The following DUS4L variants were observed in gnomAD, a reference collection of about 807,000 sequenced individuals.
The protein encoded by DUS4L is tRNA-dihydrouridine(20a/20b) synthase [NAD(P)+]-like.
In DUS4L, 31 loss-of-function variants were observed where a neutral mutation model predicts 33.8. That is an observed-to-expected ratio of 0.92 (90% CI 0.69 to 1.24). DUS4L has a LOEUF of 1.24. DUS4L is among the 50% of genes most tolerant of loss of function. DUS4L has a pLI of 0.00. For missense variants in DUS4L, 368 were observed against 388.6 expected (o/e 0.95, Z 0.45); for synonymous variants, 103 against 120.3 (o/e 0.86, Z 0.94).
At chr7:107,575,359 A>C in intron 6 of DUS4L, 49 bp downstream of exon 6, 5 of 1,583,848 alleles carry the variant, frequency 3.2e-6, no homozygotes, top group Non-Finnish European at 4.3e-6. Flanking sequence ...TTACTTAGGA[A>C]ATGAAAGATT....
At chr7:107,573,033 G>T (rs949211734) in intron 4 of DUS4L, among the ~76,000 whole-genome samples, 1 of 151,870 alleles carries the variant, frequency 6.6e-6, no homozygotes, top group Non-Finnish European at 1.5e-5. Context: ...TATGAAGAGA[G>T]CTCACAAATT....
intron 2 of DUS4L, among the ~76,000 whole-genome samples, chr7:107,566,734 A>G (rs1804741015): frequency 6.6e-6 from 1 of 152,158 alleles, no homozygotes; most frequent in Non-Finnish European, 1.5e-5. Flanking sequence ...CAATCCCAAC[A>G]AAGTAACATG....
At position 107,576,484 on chromosome 7, in the gene DUS4L, G is replaced by A. The variant is rs750582791; in HGVS notation, c.598G>A (p.Asp200Asn). Residue 200 changes from aspartate to asparagine, a missense_variant, in exon 7 of 8, where the codon GAT becomes AAT. Physicochemically the swap from Asp to Asn is conservative, Grantham distance 23 (BLOSUM62 1). Coordinates refer to ENST00000265720, the MANE Select transcript of DUS4L (RefSeq NM_181581.3). ...AEERHQPVHY[D>N]SIKIIKENMS... ...AGAAAGACATCAGCCAGTGCACTATGATTCCATTAAAATAATTAAGGAAAA... is the reference window on the plus strand; with the variant it reads ...AGAAAGACATCAGCCAGTGCACTATAATTCCATTAAAATAATTAAGGAAAA... 1 of 1,611,348 alleles carries A rather than the reference G, an allele frequency of 6.2e-7. No homozygotes were observed. The highest frequency in any genetic ancestry group is 8.5e-7 in the Non-Finnish European group (1 of 1,179,274).
At position 107,577,571 on chromosome 7, in the gene DUS4L, C is replaced by A. The variant is rs1158781943; in HGVS notation, c.*11C>A. 4.4e-6 allele frequency: 7 copies of A among 1,607,934 alleles called. No individual in the cohort carries two copies. The highest frequency in any genetic ancestry group is 5.1e-6 in the Non-Finnish European group (6 of 1,176,796). ...CATTATGGCATTTGACTAGACTTCC[C>A]AAATAATTTTAATATATACTTTTAG... On this transcript the variant is annotated 3_prime_UTR_variant, in exon 8 of 8. Transcript: ENST00000265720.
intron 6 of DUS4L, 182 bp downstream of exon 6, chr7:107,575,492 T>A: frequency 7.0e-6 from 4 of 570,278 alleles, no homozygotes; most frequent in African/African-American, 2.0e-5. Context: ...TTTATAGTCC[T>A]GAAAAACTTC....
intron 2 of DUS4L, among the ~76,000 whole-genome samples, chr7:107,566,569 AATT>A (rs1410960102): frequency 6.6e-6 from 1 of 152,206 alleles, no homozygotes; most frequent in African/African-American, 2.4e-5. Context: ...AGGATTCAAG[AATT>A]ACAATAAAAG....
rs115116464 is a variant in DUS4L, at chr7:107,567,947, G to T, written c.116+761G>T. ...TTTTATGCAGCATAACATCCTCAAG[G>T]TTCATTCATGTTGTAGCATATATCA... On this transcript the variant is annotated intron_variant, in intron 3 of 7. Coordinates refer to ENST00000265720, the MANE Select transcript of DUS4L (RefSeq NM_181581.3). 4.0e-3 allele frequency: 876 copies of T among 219,492 alleles called. 3 individuals are homozygous for T. The highest frequency in any genetic ancestry group is 0.02 in the African/African-American group (844 of 42,520). 13.6% of individuals were successfully genotyped at this position (219,492 alleles called of 1,614,324 possible).
chr7:107,577,142 A>T, intron 7 of DUS4L, 171 bp from the exon 8 acceptor site: 1 of 903,654 alleles, frequency 1.1e-6, no homozygotes, highest in Non-Finnish European at 1.6e-6. Flanking sequence ...GGTTTACAAA[A>T]GGTACCAAAA....
intron 7 of DUS4L, chr7:107,577,093 A>G: frequency 3.6e-6 from 2 of 553,390 alleles, no homozygotes; most frequent in Non-Finnish European, 5.9e-6. Flanking sequence ...AGAAATCTTT[A>G]AAAAATAAAG....
At chr7:107,564,893 C>A (rs1804461324) in intron 2 of DUS4L, among the ~76,000 whole-genome samples, 2 of 152,154 alleles carry the variant, frequency 1.3e-5, no homozygotes, top group African/African-American at 2.4e-5. Flanking sequence ...TCCAGAGCTA[C>A]GTGGTTTTCT....
chr7:107,575,206 T>C lies in DUS4L; in HGVS notation c.375T>C (p.Gly125=). The stretch of plus-strand genomic sequence containing the variant: ...TACAAAGGTGGGCAATGGCAGAAGG[T>C]TATGGGGCTTGCTTAATAAACAAGC... ...GCPQRWAMAE[G]YGACLINKPE... is the part of the protein sequence containing the mutation. The change falls in exon 6 of 8, where the codon GGT becomes GGC. Residue 125 remains glycine (G), a synonymous_variant. Coordinates refer to ENST00000265720, the MANE Select transcript of DUS4L (RefSeq NM_181581.3). The C allele has an allele frequency of 6.2e-7, 1 of 1,609,452 alleles. No homozygotes were observed. Among genetic ancestry groups the C allele is most frequent in the South Asian group, 1.1e-5 (1 of 89,878 alleles).
chr7:107,571,244 C>G lies in DUS4L; in HGVS notation c.216C>G (p.Asp72Glu). Residue 72 changes from aspartate (D) to glutamate (E), a missense_variant, in exon 4 of 8, where the codon GAC becomes GAG. Asp to Glu is a conservative substitution (Grantham distance 45). Transcript: ENST00000265720. Reference protein sequence around the residue: ...ADFVKSIKARDSEFTTNQGDC... With the variant: ...ADFVKSIKARESEFTTNQGDC... ...TTGTCAAATCTATAAAAGCCAGAGA[C>G]AGCGAATTTACCACAAATCAAGGTA... The G allele has an allele frequency of 6.2e-7, 1 of 1,610,252 alleles. No individual in the cohort carries two copies.
At chr7:107,574,003 C>G in intron 5 of DUS4L, 182 bp downstream of exon 5, 1 of 916,744 alleles carries the variant, frequency 1.1e-6, no homozygotes, top group South Asian at 3.6e-5. Context: ...ATTCAAAGGT[C>G]TTTTCTGATG....
intron 7 of DUS4L, chr7:107,576,950 C>G (rs1805810551): frequency 3.5e-6 from 1 of 283,696 alleles, no homozygotes; most frequent in Admixed American, 4.8e-5. Context: ...TTTCATTATT[C>G]CCTTAAATTA....
chr7:107,567,257 TG>T, intron 3 of DUS4L, 71 bp downstream of exon 3: 1 of 1,313,512 alleles, frequency 7.6e-7, no homozygotes, highest in African/African-American at 1.5e-5. Context: ...TTAAAAGTAC[TG>T]TAAGACCACC....
At chr7:107,565,158 A>G (rs1260363560) in intron 2 of DUS4L, among the ~76,000 whole-genome samples, 2 of 152,150 alleles carry the variant, frequency 1.3e-5, no homozygotes, top group African/African-American at 4.8e-5. Flanking sequence ...CCCCCAGTGG[A>G]AGATTTTAGA....
Position 107,571,140 on chromosome 7 carries a change from C to T in DUS4L, c.117-5C>T, listed in dbSNP as rs1280993622. On this transcript the variant is annotated splice_polypyrimidine_tract_variant and splice_region_variant and intron_variant, in intron 3 of 7. Transcript: ENST00000265720. ...ATGCATAATTAAGGTTTTATATGCT[C>T]ACAGGTTGGCTTTTAGGACACTAGT... 6.2e-7 allele frequency: 1 copy of T among 1,613,234 alleles called. No individual in the cohort carries two copies. The highest frequency in any genetic ancestry group is 8.5e-7 in the Non-Finnish European group (1 of 1,179,818).
chr7:107,569,808 G>A (rs574264996), intron 3 of DUS4L, among the ~76,000 whole-genome samples: 2 of 152,230 alleles, frequency 1.3e-5, no homozygotes, highest in Non-Finnish European at 2.9e-5. Flanking sequence ...TAGTTTTTTT[G>A]TAAATTCCTT....
intron 6 of DUS4L, 44 bp from the exon 7 acceptor site, chr7:107,576,322 G>A: frequency 6.4e-7 from 1 of 1,558,684 alleles, no homozygotes; most frequent in Non-Finnish European, 8.7e-7. Flanking sequence ...TTAGCATTAA[G>A]ATTTGTGTGC....
Sources: allele counts gnomAD v4.1 joint callset (sites outside exome capture counted in the v4.1 genomes callset), GRCh38; gene constraint gnomAD v4.1.1; transcripts MANE v1.5; gene names NCBI Gene and HGNC (gene_info 2026-07-23, HGNC 2026-07-21).